The following TJP1 variants were observed in gnomAD, a reference collection of about 807,000 sequenced individuals.
TJP1 encodes tight junction protein ZO-1.
A neutral mutation model predicts 194.2 loss-of-function variants in TJP1; 43 were observed. The ratio of observed to expected loss-of-function variants is 0.22; its 90% CI spans 0.17 to 0.29. The LOEUF (loss-of-function observed/expected upper bound fraction) is 0.29, where lower values mean the gene tolerates loss of function less well. TJP1 is among the 10% of genes least tolerant of loss of function. The pLI, the probability that TJP1 is intolerant of heterozygous loss-of-function variation, is 1.00. For synonymous variants in TJP1, 801 were observed against 779.0 expected (o/e 1.03, Z -0.47); for missense variants, 1,971 against 2,185.7 (o/e 0.90, Z 1.96).
intron 13 of TJP1, 136 bp downstream of exon 13, chr15:29,732,958 A>C (rs2043765668): frequency 7.9e-7 from 1 of 1,258,882 alleles, no homozygotes; most frequent in African/African-American, 1.5e-5. Flanking sequence ...AGGAGTTTGT[A>C]AACCTAAGTC....
chr15:29,822,148 G>A lies in TJP1; in HGVS notation c.-120C>T, dbSNP rs1393083597. The A allele has an allele frequency of 1.7e-6, 2 of 1,189,028 alleles. No homozygotes were observed. Among genetic ancestry groups the A allele is most frequent in the Non-Finnish European group, 2.1e-6 (2 of 959,100 alleles). 73.7% of individuals were successfully genotyped at this position (1,189,028 alleles called of 1,614,324 possible). A position where few individuals can be genotyped will look rare whatever the true frequency, so the allele number is the denominator to read the frequency against. ...TCCCGAGAGCGAGCGGGGCACGGGC[G>A]GGGGCGGCCGGAAGGGCCCGGCCCA... On this transcript the variant is annotated 5_prime_UTR_variant, in exon 1 of 28. Coordinates refer to ENST00000614355, the MANE Select transcript of TJP1 (RefSeq NM_001330239.4).
At chr15:29,937,230 A>AT (rs2054915528) in intron 2 of TJP1, among the ~76,000 whole-genome samples, 1 of 152,206 alleles carries the variant, frequency 6.6e-6, no homozygotes, top group African/African-American at 2.4e-5. Context: ...TCAGGCAAAA[A>AT]CAAATTAAAA....
At chr15:29,912,130 G>A (rs149052356) in intron 2 of TJP1, among the ~76,000 whole-genome samples, 9 of 152,270 alleles carry the variant, frequency 5.9e-5, no homozygotes, top group African/African-American at 2.2e-4. Context: ...TTTTTGCTGT[G>A]CCTCACATGG....
intron 2 of TJP1, among the ~76,000 whole-genome samples, chr15:29,941,923 T>C (rs1156360470): frequency 6.6e-6 from 1 of 152,078 alleles, no homozygotes; most frequent in Non-Finnish European, 1.5e-5. Flanking sequence ...CTGGTCTGCA[T>C]GAAGAGGCCG....
intron 2 of TJP1, among the ~76,000 whole-genome samples, chr15:29,885,122 A>C (rs2053071223): frequency 6.6e-6 from 1 of 152,172 alleles, no homozygotes; most frequent in African/African-American, 2.4e-5. Context: ...CCCAGCCTCA[A>C]ATACTCCTCC....
chr15:29,940,617 C>T (rs1288491208), intron 2 of TJP1, among the ~76,000 whole-genome samples: 1 of 152,138 alleles, frequency 6.6e-6, no homozygotes, highest in Admixed American at 6.5e-5. Flanking sequence ...ATATGTTCCT[C>T]AGGGATGATT....
chr15:29,791,368 A>G (rs1201632920), intron 2 of TJP1, among the ~76,000 whole-genome samples: 1 of 146,066 alleles, frequency 6.8e-6, no homozygotes. Context: ...ATGCTGGATC[A>G]TATGGTTGCT....
At chr15:29,911,999 C>T (rs1014468702) in intron 2 of TJP1, among the ~76,000 whole-genome samples, 2 of 152,160 alleles carry the variant, frequency 1.3e-5, no homozygotes, top group African/African-American at 4.8e-5. Flanking sequence ...AACAAGATAC[C>T]ACAGACTGGG....
chr15:29,746,355 A>G (rs1304576109), intron 8 of TJP1, among the ~76,000 whole-genome samples: 4 of 151,928 alleles, frequency 2.6e-5, no homozygotes, highest in East Asian at 3.9e-4. Flanking sequence ...TCCAGCCTGG[A>G]CGACAGAGTG....
chr15:29,798,532 CA>C (rs1263134840), intron 2 of TJP1, among the ~76,000 whole-genome samples: 1 of 152,054 alleles, frequency 6.6e-6, no homozygotes, highest in Non-Finnish European at 1.5e-5. Flanking sequence ...ATGCTCAACC[CA>C]TATCAAGTGC....
At chr15:29,812,408 G>T (rs907474661) in intron 1 of TJP1, among the ~76,000 whole-genome samples, 4 of 152,146 alleles carry the variant, frequency 2.6e-5, no homozygotes, top group Non-Finnish European at 5.9e-5. Flanking sequence ...TGAAAATCCG[G>T]ATTTGCAACC....
At position 29,960,681 on chromosome 15, in the gene TJP1, T is replaced by C. The variant is rs1297839721; in HGVS notation, c.174-4317A>G. On this transcript the variant is annotated intron_variant, in intron 1 of 28. Coordinates refer to the TJP1 transcript ENST00000356107. ...TAATCAGTAGCGCTAAAGTGGTGTA[T>C]ACCAGGTGAAAATCAGCTCTGGACC... 4.0e-5 allele frequency among the ~76,000 whole-genome samples: 6 copies of C among 150,786 alleles called. No homozygotes were observed. The East Asian group carries it at 5.9e-4, about 15-fold the overall frequency.
rs563934045 is a variant in TJP1 at position 29,711,771 on chromosome 15, G to C, written c.4203-771C>G. On this transcript the variant is annotated intron_variant, in intron 23 of 27. Coordinates refer to ENST00000614355, the MANE Select transcript of TJP1 (RefSeq NM_001330239.4). Reference sequence around the variant, plus strand: ...GGCAAACTTTTTCACTGAAACACCAGAGAGTAAATGTTTGTGGTCTTTTGG... The same window carrying C: ...GGCAAACTTTTTCACTGAAACACCACAGAGTAAATGTTTGTGGTCTTTTGG... Among the ~76,000 whole-genome samples the C allele has an allele frequency of 1.8e-4, 27 of 152,312 alleles. No homozygotes were observed. In the South Asian group the frequency reaches 2.7e-3, roughly 15 times the overall value.
intron 2 of TJP1, among the ~76,000 whole-genome samples, chr15:29,896,337 G>A (rs2053475888): frequency 6.6e-6 from 1 of 152,140 alleles, no homozygotes; most frequent in Non-Finnish European, 1.5e-5. Flanking sequence ...CTCTCCTCTT[G>A]TCTTGCTACC....
rs1480304808 is a variant in TJP1, at chr15:29,773,292, C to T, written c.150G>A (p.Gly50=). ...GGRDNPHFQS[G]ETSIVISDVL... is the part of the protein sequence containing the mutation. The stretch of plus-strand genomic sequence containing the variant: ...CATCTGAAATCACTATTGACGTTTC[C>T]CCACTCTGAAAATGAGGATTATCTC... Residue 50 remains glycine (G), a synonymous_variant, in exon 3 of 28, where the codon GGG becomes GGA. Coordinates refer to ENST00000614355, the MANE Select transcript of TJP1 (RefSeq NM_001330239.4). 2.5e-6 allele frequency: 4 copies of T among 1,613,906 alleles called. No individual in the cohort carries two copies. The highest frequency in any genetic ancestry group is 3.4e-6 in the Non-Finnish European group (4 of 1,179,954).
intron 1 of TJP1, among the ~76,000 whole-genome samples, chr15:29,817,137 T>C: frequency 6.6e-6 from 1 of 152,132 alleles, no homozygotes; most frequent in East Asian, 1.9e-4. Flanking sequence ...TATCAAAAAC[T>C]GGGCAAAGAA....
rs540017574 is a variant in TJP1, at chr15:29,820,612, C to G, written c.27+1390G>C. ...AGTGTGTTGTCTTGCATATTAAGTACCAGAGATCACACTTCAGGAACAAAG... is the reference window on the plus strand; with the variant it reads ...AGTGTGTTGTCTTGCATATTAAGTAGCAGAGATCACACTTCAGGAACAAAG... On this transcript the variant is annotated intron_variant, in intron 1 of 27. Coordinates refer to ENST00000614355, the MANE Select transcript of TJP1 (RefSeq NM_001330239.4). The G allele has an allele frequency of 1.2e-4, 83 of 715,684 alleles. No homozygotes were observed. The East Asian group carries it at 2.2e-3, about 19-fold the overall frequency. 44.3% of individuals were successfully genotyped at this position (715,684 alleles called of 1,614,324 possible).
intron 2 of TJP1, among the ~76,000 whole-genome samples, chr15:29,931,699 G>A (rs987982473): frequency 3.3e-5 from 5 of 152,112 alleles, no homozygotes; most frequent in African/African-American, 4.8e-5. Context: ...AAGGAGTCCC[G>A]ATCCAGACCC....
intron 23 of TJP1, among the ~76,000 whole-genome samples, chr15:29,711,859 C>A (rs1423875466): frequency 1.3e-5 from 2 of 152,176 alleles, no homozygotes; most frequent in African/African-American, 4.8e-5. Flanking sequence ...CAGCCACAGA[C>A]AATGGGCATA....
Sources: gnomAD v4.1 joint callset for allele counts (sites outside exome capture counted in the v4.1 genomes callset) on GRCh38, gnomAD v4.1.1 for gene constraint, MANE v1.5 for transcripts, NCBI Gene and HGNC (gene_info 2026-07-23, HGNC 2026-07-21) for gene names.